Variants in NPAS3 observed in about 807,000 individuals in gnomAD.
NPAS3 encodes neuronal PAS domain protein 3, also known as neuronal PAS domain-containing protein 3.
Under a neutral mutation model 73.1 loss-of-function variants are expected in NPAS3, and 14 were observed. The observed-to-expected ratio is 0.19, with a 90% CI of 0.13 to 0.30. NPAS3 has a LOEUF of 0.30. Among genes scored for constraint, NPAS3 ranks in the 10% least tolerant of loss-of-function variants. NPAS3 has a pLI of 1.00. For synonymous variants in NPAS3, 620 were observed against 541.5 expected (o/e 1.14, Z -2.01); for missense variants, 1,096 against 1,250.0 (o/e 0.88, Z 1.86).
intron 3 of NPAS3, among the ~76,000 whole-genome samples, chr14:33,283,084 A>C (rs1020253596): frequency 6.6e-6 from 1 of 152,194 alleles, no homozygotes; most frequent in African/African-American, 2.4e-5. Context: ...CAGAGAAGGG[A>C]TGCTGATGCA....
intron 2 of NPAS3, among the ~76,000 whole-genome samples, chr14:33,131,797 T>A (rs1205989052): frequency 6.6e-6 from 1 of 152,078 alleles, no homozygotes; most frequent in Non-Finnish European, 1.5e-5. Context: ...GGAAGGGGTG[T>A]TAAAAAGGGC....
At chr14:33,237,185 C>G (rs1034271000) in intron 3 of NPAS3, among the ~76,000 whole-genome samples, 3 of 152,022 alleles carry the variant, frequency 2.0e-5, no homozygotes, top group Admixed American at 2.0e-4. Context: ...AGTGTGGTTA[C>G]TTAACACTTT....
chr14:33,015,053 AAGAT>A (rs2039343100), intron 1 of NPAS3, among the ~76,000 whole-genome samples: 2 of 152,220 alleles, frequency 1.3e-5, no homozygotes, highest in Admixed American at 6.5e-5. Flanking sequence ...GGCTTTATGA[AAGAT>A]AGACCACATT....
chr14:33,159,500 A>T (rs1235390127), intron 2 of NPAS3, among the ~76,000 whole-genome samples: 2 of 151,758 alleles, frequency 1.3e-5, no homozygotes, highest in African/African-American at 4.8e-5. Context: ...ATTGTCGCCC[A>T]CATGTGTAAA....
chr14:32,978,691 C>T (rs1192198272), intron 1 of NPAS3, among the ~76,000 whole-genome samples: 1 of 152,054 alleles, frequency 6.6e-6, no homozygotes, highest in Admixed American at 6.6e-5. Context: ...GTCCTTTGAT[C>T]CAAGATTATT....
intron 3 of NPAS3, among the ~76,000 whole-genome samples, chr14:33,296,395 T>C (rs2140131701): frequency 6.6e-6 from 1 of 152,320 alleles, no homozygotes; most frequent in Non-Finnish European, 1.5e-5. Context: ...CTTAAAAGGT[T>C]ATAGTTTTCT....
intron 2 of NPAS3, among the ~76,000 whole-genome samples, chr14:33,060,769 G>A (rs899424610): frequency 1.3e-5 from 2 of 152,178 alleles, no homozygotes; most frequent in African/African-American, 2.4e-5. Context: ...TTCTCAGGAC[G>A]ATTTGCCTTT....
chr14:33,273,277 GT>G (rs940962556), intron 3 of NPAS3, among the ~76,000 whole-genome samples: 1 of 152,108 alleles, frequency 6.6e-6, no homozygotes. Flanking sequence ...TTGGTTCTGA[GT>G]TCATCCTCTG....
intron 5 of NPAS3, among the ~76,000 whole-genome samples, chr14:33,658,140 G>A (rs74042365): frequency 0.11 from 16,188 of 152,278 alleles, 2,825 homozygotes; most frequent in African/African-American, 0.37. Context: ...CTGTTTATGT[G>A]CTTAGAAGAC....
intron 2 of NPAS3, among the ~76,000 whole-genome samples, chr14:33,183,116 C>T (rs1391767519): frequency 2.0e-5 from 3 of 151,948 alleles, no homozygotes; most frequent in Non-Finnish European, 4.4e-5. Context: ...TTCTTTAACT[C>T]TCGATGTACC....
At chr14:33,790,199 C>T (rs920658717) in intron 9 of NPAS3, among the ~76,000 whole-genome samples, 1 of 152,142 alleles carries the variant, frequency 6.6e-6, no homozygotes, top group Admixed American at 6.5e-5. Context: ...TTTCAAGGGA[C>T]AATTAACTCT....
At chr14:33,226,016 A>G (rs548879488) in intron 3 of NPAS3, among the ~76,000 whole-genome samples, 60 of 152,350 alleles carry the variant, frequency 3.9e-4, no homozygotes, top group African/African-American at 1.3e-3. Context: ...TAAATTATGT[A>G]CCAGCCAGGA....
At chr14:33,674,360 A>G (rs527779147) in intron 5 of NPAS3, among the ~76,000 whole-genome samples, 4 of 152,388 alleles carry the variant, frequency 2.6e-5, no homozygotes, top group South Asian at 4.1e-4. Flanking sequence ...CGAAAGTGCT[A>G]CAATTGGACT....
intron 9 of NPAS3, among the ~76,000 whole-genome samples, chr14:33,784,023 T>C (rs894219000): frequency 2.6e-5 from 4 of 152,230 alleles, no homozygotes; most frequent in African/African-American, 7.2e-5. Context: ...ACTCGATCAG[T>C]ATTCCAATGA....
upstream of NPAS3, among the ~76,000 whole-genome samples, chr14:32,938,890 G>A (rs1338582484): frequency 4.8e-5 from 7 of 145,176 alleles, no homozygotes; most frequent in African/African-American, 1.7e-4. Flanking sequence ...CCGGTCGCCT[G>A]TCTCCGCGCC....
intron 3 of NPAS3, among the ~76,000 whole-genome samples, chr14:33,321,376 C>A (rs1372108149): frequency 6.6e-6 from 1 of 152,020 alleles, no homozygotes; most frequent in Admixed American, 6.6e-5. Flanking sequence ...TCCAGGTTAT[C>A]TTTTTGGCTT....
intron 4 of NPAS3, among the ~76,000 whole-genome samples, chr14:33,374,708 G>A (rs200498817): frequency 0.21 from 31,834 of 148,760 alleles, 3,875 homozygotes; most frequent in East Asian, 0.35. Context: ...TCGGGGCGGG[G>A]GGGGGAGTAG....
chr14:33,401,553 G>C (rs1052335797), intron 4 of NPAS3, among the ~76,000 whole-genome samples: 16 of 152,164 alleles, frequency 1.1e-4, no homozygotes, highest in African/African-American at 3.9e-4. Flanking sequence ...TCAGCTGCAT[G>C]CCTTTGATTG....
At chr14:33,228,131 A>G (rs1411113455) in intron 3 of NPAS3, among the ~76,000 whole-genome samples, 2 of 152,194 alleles carry the variant, frequency 1.3e-5, no homozygotes, top group Non-Finnish European at 2.9e-5. Flanking sequence ...GATTTTTAGT[A>G]CACATTCTAA....
Sources: allele counts gnomAD v4.1 joint callset (sites outside exome capture counted in the v4.1 genomes callset), GRCh38; gene constraint gnomAD v4.1.1; transcripts MANE v1.5; gene names NCBI Gene and HGNC (gene_info 2026-07-23, HGNC 2026-07-21).